MBD5: variants seen among roughly 807,000 people sequenced by gnomAD.
MBD5 encodes the protein methyl-CpG-binding domain protein 5.
Under a neutral mutation model 117.3 loss-of-function variants are expected in MBD5, and 13 were observed. That is an observed-to-expected ratio of 0.11 (90% CI 0.07 to 0.18). MBD5 has a LOEUF of 0.18. Ranked by LOEUF, MBD5 falls within the 10% of genes least tolerant of loss-of-function variation. The pLI is 1.00. For synonymous variants in MBD5, 727 were observed against 766.4 expected (o/e 0.95, Z 0.85); for missense variants, 1,879 against 2,093.8 (o/e 0.90, Z 2.00).
At chr2:148,481,895 T>A (rs1268780885) in intron 8 of MBD5, 1 of 152,194 alleles carries the variant, frequency 6.6e-6, no homozygotes, top group Non-Finnish European at 1.5e-5. Flanking sequence ...ATTTTATCTT[T>A]TCAGATATTA....
At chr2:148,310,458 G>A (rs753753002) in intron 3 of MBD5, among the ~76,000 whole-genome samples, 24 of 152,080 alleles carry the variant, frequency 1.6e-4, no homozygotes, top group Non-Finnish European at 2.5e-4. Context: ...TTCTCTGATG[G>A]TAGTTTGTAT....
chr2:148,128,733 A>C (rs142670545), intron 1 of MBD5, among the ~76,000 whole-genome samples: 1 of 152,334 alleles, frequency 6.6e-6, no homozygotes, highest in East Asian at 1.9e-4. Flanking sequence ...GCATGTGTGT[A>C]TGCATGTATT....
At chr2:148,031,201 G>C (rs1230950347) in intron 1 of MBD5, among the ~76,000 whole-genome samples, 1 of 152,084 alleles carries the variant, frequency 6.6e-6, no homozygotes, top group East Asian at 1.9e-4. Flanking sequence ...ATCAGGTACT[G>C]GTTTGAATAG....
intron 8 of MBD5, among the ~76,000 whole-genome samples, chr2:148,479,889 T>G (rs1681095682): frequency 6.6e-6 from 1 of 152,046 alleles, no homozygotes; most frequent in Admixed American, 6.5e-5. Flanking sequence ...GCATATTGCC[T>G]TATAGTTATA....
chr2:148,176,056 C>T (rs1698376594), intron 1 of MBD5, among the ~76,000 whole-genome samples: 1 of 152,000 alleles, frequency 6.6e-6, no homozygotes, highest in East Asian at 1.9e-4. Flanking sequence ...ATTTACAGAG[C>T]TATTGGTTCT....
rs727503998 is a variant in MBD5, at chr2:148,469,513, C to T, written c.1570C>T (p.Pro524Ser). Reference protein sequence around the residue: ...GHHQYKDIPNPLIAGISNVLN... With the variant: ...GHHQYKDIPNSLIAGISNVLN... ...TCATCAGTACAAGGATATCCCTAACCCATTAATTGCTGGAATAAGTAATGT... is the reference window on the plus strand; with the variant it reads ...TCATCAGTACAAGGATATCCCTAACTCATTAATTGCTGGAATAAGTAATGT... Residue 524 changes from proline to serine, a missense_variant, in exon 8 of 14, where the codon CCA (proline) becomes TCA (serine). Pro to Ser is a moderately conservative substitution (Grantham distance 74). Transcript: ENST00000642680. 6.8e-6 allele frequency: 11 copies of T among 1,613,624 alleles called. No homozygotes were observed. The South Asian group carries it at 1.1e-4, about 16-fold the overall frequency.
At chr2:148,058,029 GTTT>G (rs940567388) in intron 1 of MBD5, among the ~76,000 whole-genome samples, 7 of 151,910 alleles carry the variant, frequency 4.6e-5, no homozygotes, top group African/African-American at 1.7e-4. Context: ...CAAGAATGAT[GTTT>G]TTTACCCTGT....
intron 3 of MBD5, among the ~76,000 whole-genome samples, chr2:148,248,128 C>T (rs1038800184): frequency 6.6e-6 from 1 of 152,056 alleles, no homozygotes; most frequent in South Asian, 2.1e-4. Flanking sequence ...CTGTCAAAAT[C>T]GTGGACTCAT....
chr2:148,493,258 T>G (rs1334110294), intron 11 of MBD5, among the ~76,000 whole-genome samples: 2 of 152,228 alleles, frequency 1.3e-5, no homozygotes, highest in Non-Finnish European at 2.9e-5. Flanking sequence ...CACTTTAAAC[T>G]TTCTTAGCTT....
intron 2 of MBD5, among the ~76,000 whole-genome samples, chr2:148,203,643 G>T (rs1482507728): frequency 6.6e-6 from 1 of 152,182 alleles, no homozygotes; most frequent in Non-Finnish European, 1.5e-5. Flanking sequence ...TTCACAAGAA[G>T]GTAATCTCCG....
intron 4 of MBD5, among the ~76,000 whole-genome samples, chr2:148,398,438 C>T (rs1218131702): frequency 6.6e-6 from 1 of 152,084 alleles, no homozygotes; most frequent in Non-Finnish European, 1.5e-5. Flanking sequence ...CTTTTGGCTG[C>T]ATAAATGTCT....
At chr2:148,129,557 G>T (rs1413657588) in intron 1 of MBD5, among the ~76,000 whole-genome samples, 3 of 152,022 alleles carry the variant, frequency 2.0e-5, no homozygotes, top group Non-Finnish European at 2.9e-5. Flanking sequence ...AAAAAGATAG[G>T]CTCTGTGAAA....
chr2:148,277,913 A>G (rs998630816), intron 3 of MBD5, among the ~76,000 whole-genome samples: 2 of 152,220 alleles, frequency 1.3e-5, no homozygotes, highest in Non-Finnish European at 2.9e-5. Context: ...TATAATTTGC[A>G]TAAAGTCAGA....
At chr2:148,503,479 C>G (rs946127352) in intron 12 of MBD5, among the ~76,000 whole-genome samples, 1 of 152,150 alleles carries the variant, frequency 6.6e-6, no homozygotes, top group Non-Finnish European at 1.5e-5. Flanking sequence ...TCAGTAATAT[C>G]TATTAAAAAG....
intron 2 of MBD5, among the ~76,000 whole-genome samples, chr2:148,181,830 T>G (rs1427834915): frequency 6.6e-6 from 1 of 152,162 alleles, no homozygotes; most frequent in East Asian, 1.9e-4. Flanking sequence ...ATTTTAAATA[T>G]CCCATTAAAA....
At chr2:148,137,140 GC>G (rs1697190478) in intron 1 of MBD5, among the ~76,000 whole-genome samples, 1 of 151,964 alleles carries the variant, frequency 6.6e-6, no homozygotes. Context: ...TATACCCCTT[GC>G]CCAAGTTCCC....
rs1213551326 is a variant in MBD5, at chr2:148,189,092, G to C, written c.-831+10299G>C. Among the ~76,000 whole-genome samples, 5 of 143,978 alleles carry C rather than the reference G, an allele frequency of 3.5e-5. No homozygotes were observed. In the East Asian group the frequency reaches 1.0e-3, roughly 30 times the overall value. 94.5% of individuals were successfully genotyped at this position (143,978 alleles called of 152,430 possible). ...ACCACGAGACTATATCCCACACCTG[G>C]CTCAGAGGGTCCTACGCCCACGGAA... On this transcript the variant is annotated intron_variant, in intron 2 of 13. Transcript: ENST00000642680.
chr2:148,412,879 T>C (rs1423269068), intron 4 of MBD5, among the ~76,000 whole-genome samples: 2 of 152,180 alleles, frequency 1.3e-5, no homozygotes, highest in Non-Finnish European at 2.9e-5. Flanking sequence ...TGGAGTTTTC[T>C]AGATATAAAA....
chr2:148,445,002 C>T (rs1036435478), intron 4 of MBD5, among the ~76,000 whole-genome samples: 1 of 151,136 alleles, frequency 6.6e-6, no homozygotes, highest in South Asian at 2.1e-4. Context: ...TTTCCACATC[C>T]CTTGCTTGCT....
Sources: allele counts gnomAD v4.1 joint callset (sites outside exome capture counted in the v4.1 genomes callset), GRCh38; gene constraint gnomAD v4.1.1; transcripts MANE v1.5; gene names NCBI Gene and HGNC (gene_info 2026-07-23, HGNC 2026-07-21).